LRP1B: variants seen among roughly 807,000 people sequenced by gnomAD.
LRP1B encodes the protein low-density lipoprotein receptor-related protein 1B.
A neutral mutation model predicts 556.6 loss-of-function variants in LRP1B; 217 were observed. The observed-to-expected ratio is 0.39, with a 90% CI of 0.35 to 0.44. The LOEUF (loss-of-function observed/expected upper bound fraction) is 0.44, where lower values mean the gene tolerates loss of function less well. LRP1B is among the 20% of genes least tolerant of loss of function. The pLI, the probability that LRP1B is intolerant of heterozygous loss-of-function variation, is 1.00. For synonymous variants in LRP1B, 2,047 were observed against 1,865.8 expected, an observed-to-expected ratio of 1.10 and a Z score of -2.50; for missense variants, 5,053 against 5,620.8, an observed-to-expected ratio of 0.90 and a Z score of 3.23.
chr2:140,575,384 A>C (rs1411150413), intron 43 of LRP1B, among the ~76,000 whole-genome samples: 1 of 152,188 alleles, frequency 6.6e-6, no homozygotes. Context: ...TGAGTAATCC[A>C]TATAGACATA....
rs187199863 is a variant in LRP1B, at chr2:140,765,190, T to C, written c.5758+4023A>G. On this transcript the variant is annotated intron_variant, in intron 35 of 90. Transcript: ENST00000389484. ...GAAGTTCTAAACCTGGTAGCTATTATAGTAACCATCAGTTGTTGCATCATT... is the reference window on the plus strand; with the variant it reads ...GAAGTTCTAAACCTGGTAGCTATTACAGTAACCATCAGTTGTTGCATCATT... 1.8e-3 allele frequency among the ~76,000 whole-genome samples: 268 copies of C among 152,212 alleles called. 1 individual carries two copies. The highest frequency in any genetic ancestry group is 5.2e-3 in the African/African-American group (214 of 41,542).
intron 2 of LRP1B, among the ~76,000 whole-genome samples, chr2:141,690,396 AATATAT>A (rs762453747): frequency 1.5e-4 from 4 of 26,934 alleles, no homozygotes; most frequent in East Asian, 1.1e-3. Flanking sequence ...TACATCTATA[AATATAT>A]ATATATATAT....
rs561211216 is a variant in LRP1B at position 142,018,409 on chromosome 2, T to G, written c.82+112239A>C. 3.9e-5 allele frequency among the ~76,000 whole-genome samples: 6 copies of G among 152,358 alleles called. 1 individual carries two copies. The highest frequency in any genetic ancestry group is 1.4e-4 in the African/African-American group (6 of 41,594). On this transcript the variant is annotated intron_variant, in intron 1 of 90. Transcript: ENST00000389484. ...ATAGAAGTGTGAATGGCAGTCAACCTACTTGTAATAACTTCCTTTACAGAA... is the reference window on the plus strand; with the variant it reads ...ATAGAAGTGTGAATGGCAGTCAACCGACTTGTAATAACTTCCTTTACAGAA...
At chr2:141,315,528 G>A (rs1220204345) in intron 3 of LRP1B, among the ~76,000 whole-genome samples, 3 of 151,550 alleles carry the variant, frequency 2.0e-5, no homozygotes, top group Non-Finnish European at 4.4e-5. Flanking sequence ...CAAAGTGCTG[G>A]GATTACAGGT....
At chr2:141,544,047 C>G (rs542163777) in intron 2 of LRP1B, among the ~76,000 whole-genome samples, 1 of 152,218 alleles carries the variant, frequency 6.6e-6, no homozygotes, top group African/African-American at 2.4e-5. Context: ...CTACTGGAAT[C>G]ATGTTTGAAC....
intron 7 of LRP1B, among the ~76,000 whole-genome samples, chr2:141,063,707 T>C (rs1699403253): frequency 6.6e-6 from 1 of 151,802 alleles, no homozygotes; most frequent in Non-Finnish European, 1.5e-5. Context: ...TCATAGCTAT[T>C]CTGTTTCTAT....
chr2:141,900,665 G>A (rs1439428055), intron 1 of LRP1B, among the ~76,000 whole-genome samples: 9 of 151,708 alleles, frequency 5.9e-5, no homozygotes, highest in African/African-American at 1.9e-4. Context: ...ACCATTTCCC[G>A]AAATCCAAAA....
chr2:140,998,005 A>G (rs1223218882), intron 15 of LRP1B, among the ~76,000 whole-genome samples: 1 of 152,004 alleles, frequency 6.6e-6, no homozygotes, highest in Non-Finnish European at 1.5e-5. Flanking sequence ...GGGCTTCTAA[A>G]CTTTTTACTG....
At chr2:141,620,349 C>T (rs188376418) in intron 2 of LRP1B, among the ~76,000 whole-genome samples, 58 of 152,328 alleles carry the variant, frequency 3.8e-4, no homozygotes, top group African/African-American at 1.3e-3. Flanking sequence ...CTTTGAACAG[C>T]TTTTAACAAA....
intron 2 of LRP1B, among the ~76,000 whole-genome samples, chr2:141,703,343 A>G (rs939861054): frequency 1.3e-5 from 2 of 151,922 alleles, no homozygotes; most frequent in Non-Finnish European, 2.9e-5. Context: ...AATTACCTGA[A>G]TTTTCCTCTC....
chr2:141,277,665 C>CTT (rs374385237), intron 3 of LRP1B, among the ~76,000 whole-genome samples: 61 of 138,250 alleles, frequency 4.4e-4, no homozygotes, highest in African/African-American at 1.3e-3. Context: ...GTTTTTCATC[C>CTT]TTTTTTTTTT....
intron 2 of LRP1B, among the ~76,000 whole-genome samples, chr2:141,510,737 A>T (rs1684097399): frequency 6.6e-6 from 1 of 152,012 alleles, no homozygotes; most frequent in Non-Finnish European, 1.5e-5. Flanking sequence ...TAACATTTCC[A>T]TCATGTTGCC....
intron 2 of LRP1B, among the ~76,000 whole-genome samples, chr2:141,561,453 G>A (rs1686145130): frequency 1.3e-5 from 2 of 151,740 alleles, no homozygotes; most frequent in South Asian, 4.1e-4. Context: ...ATGCCTCAGG[G>A]CTAGAAGACA....
At chr2:141,127,637 C>T (rs1433545772) in intron 7 of LRP1B, among the ~76,000 whole-genome samples, 3 of 152,172 alleles carry the variant, frequency 2.0e-5, no homozygotes, top group African/African-American at 4.8e-5. Flanking sequence ...CTCCTCTGCA[C>T]ACTTAATTCT....
intron 3 of LRP1B, among the ~76,000 whole-genome samples, chr2:141,328,353 A>C (rs1437823629): frequency 1.0e-5 from 1 of 96,412 alleles, no homozygotes; most frequent in Non-Finnish European, 2.3e-5. Context: ...TGTAATTATT[A>C]AATGAGACTA....
chr2:141,446,706 A>G (rs1408747483), intron 3 of LRP1B, among the ~76,000 whole-genome samples: 1 of 152,182 alleles, frequency 6.6e-6, no homozygotes, highest in Admixed American at 6.5e-5. Flanking sequence ...TGGGTTGAAA[A>G]TTCTTTTCTT....
chr2:140,421,203 C>G (rs1161170252), intron 66 of LRP1B, among the ~76,000 whole-genome samples: 1 of 151,930 alleles, frequency 6.6e-6, no homozygotes, highest in African/African-American at 2.4e-5. Flanking sequence ...TGCAGTGAGC[C>G]AAGATTGCAC....
intron 2 of LRP1B, among the ~76,000 whole-genome samples, chr2:141,685,137 A>G (rs914720552): frequency 1.3e-5 from 2 of 151,980 alleles, no homozygotes; most frequent in Non-Finnish European, 2.9e-5. Flanking sequence ...TCTTCTTTTT[A>G]AAATAGGAAT....
chr2:142,043,689 G>T (rs1411997458), intron 1 of LRP1B, among the ~76,000 whole-genome samples: 1 of 151,630 alleles, frequency 6.6e-6, no homozygotes, highest in Non-Finnish European at 1.5e-5. Flanking sequence ...TTTTTCAACA[G>T]CTCAATGTCT....
Sources: allele counts gnomAD v4.1 joint callset (sites outside exome capture counted in the v4.1 genomes callset), GRCh38; gene constraint gnomAD v4.1.1; transcripts MANE v1.5; gene names NCBI Gene and HGNC (gene_info 2026-07-23, HGNC 2026-07-21).